The following CCDC171 variants were observed in gnomAD, a reference collection of about 807,000 sequenced individuals.
The protein encoded by CCDC171 is coiled-coil domain-containing protein 171.
Under a neutral mutation model 168.2 loss-of-function variants are expected in CCDC171, and 177 were observed. The observed-to-expected ratio is 1.05, with a 90% CI of 0.93 to 1.19. The LOEUF (loss-of-function observed/expected upper bound fraction) is 1.19, where lower values mean the gene tolerates loss of function less well. Ranked by LOEUF, CCDC171 falls within the 50% of genes most tolerant of loss-of-function variation. The pLI, the probability that CCDC171 is intolerant of heterozygous loss-of-function variation, is 0.00. For missense variants in CCDC171, 1,991 were observed against 1,539.0 expected (o/e 1.29, Z -4.91); for synonymous variants, 687 against 540.8 (o/e 1.27, Z -3.75).
At chr9:15,705,759 G>A (rs2052172518) in intron 11 of CCDC171, among the ~76,000 whole-genome samples, 1 of 152,172 alleles carries the variant, frequency 6.6e-6, no homozygotes, top group South Asian at 2.1e-4. Context: ...TCAGTTCCAT[G>A]AGGATGAGAA....
chr9:15,895,380 G>C (rs761537919), intron 24 of CCDC171, among the ~76,000 whole-genome samples: 7 of 152,048 alleles, frequency 4.6e-5, no homozygotes, highest in Non-Finnish European at 8.8e-5. Flanking sequence ...TCCAAGGAGT[G>C]TACTCTTAGA....
the CCDC171 span, among the ~76,000 whole-genome samples, chr9:16,074,066 G>A: frequency 3.2e-3 from 489 of 152,194 alleles, no homozygotes; most frequent in African/African-American, 0.011. Context: ...TAGTATCACT[G>A]GGCTGGAGGA....
intron 1 of CCDC171, among the ~76,000 whole-genome samples, chr9:16,043,434 A>G (rs1028265919): frequency 1.3e-5 from 2 of 152,232 alleles, no homozygotes; most frequent in African/African-American, 4.8e-5. Flanking sequence ...AAGAAAACAG[A>G]ATCTTGGGGA....
intron 7 of CCDC171, among the ~76,000 whole-genome samples, chr9:15,639,075 A>C (rs920048935): frequency 6.6e-6 from 1 of 152,050 alleles, no homozygotes; most frequent in African/African-American, 2.4e-5. Flanking sequence ...AAAAGGGTAA[A>C]AGGTAGCATC....
chr9:15,628,382 C>G (rs2045355272), intron 7 of CCDC171, among the ~76,000 whole-genome samples: 3 of 152,204 alleles, frequency 2.0e-5, no homozygotes, highest in Admixed American at 6.5e-5. Flanking sequence ...TTATAACCCG[C>G]ATCTGGCTCA....
At chr9:15,783,435 A>G (rs1588468630) in intron 20 of CCDC171, among the ~76,000 whole-genome samples, 1 of 152,232 alleles carries the variant, frequency 6.6e-6, no homozygotes, top group East Asian at 1.9e-4. Context: ...AACCTGCTTT[A>G]TATTTGTGGC....
intron 23 of CCDC171, 80 bp from the exon 24 acceptor site, chr9:15,874,452 G>C (rs1438676635): frequency 7.9e-7 from 1 of 1,267,250 alleles, no homozygotes; most frequent in Non-Finnish European, 1.1e-6. Flanking sequence ...AGTCCACTCA[G>C]TGGGCTCAAG....
chr9:15,616,733 T>A (rs2044111422), intron 6 of CCDC171, among the ~76,000 whole-genome samples: 1 of 152,200 alleles, frequency 6.6e-6, no homozygotes, highest in Non-Finnish European at 1.5e-5. Context: ...AGAATAATAG[T>A]CTTTTATACT....
At chr9:16,085,934 T>A in the CCDC171 span, among the ~76,000 whole-genome samples, 8 of 152,328 alleles carry the variant, frequency 5.3e-5, no homozygotes, top group Admixed American at 1.3e-4. Flanking sequence ...TTTTTTATTG[T>A]TACGTCTCTG....
At chr9:15,679,498 T>G (rs1046527604) in intron 10 of CCDC171, among the ~76,000 whole-genome samples, 7 of 152,218 alleles carry the variant, frequency 4.6e-5, no homozygotes, top group African/African-American at 1.7e-4. Flanking sequence ...GCCTTTGCCC[T>G]CTGTCTGTCT....
chr9:15,677,927 A>ATAT (rs1491415268), intron 9 of CCDC171, among the ~76,000 whole-genome samples: 2,165 of 29,228 alleles, frequency 0.074, 460 homozygotes, highest in Non-Finnish European at 0.08. Flanking sequence ...TATATATATA[A>ATAT]GAGATGTGGT....
intron 24 of CCDC171, among the ~76,000 whole-genome samples, chr9:15,915,299 C>G (rs779630900): frequency 6.6e-6 from 1 of 151,638 alleles, no homozygotes; most frequent in African/African-American, 2.4e-5. Context: ...TCTACAATTT[C>G]TTTCATCAGT....
chr9:15,621,721 C>T (rs904837034), intron 6 of CCDC171, among the ~76,000 whole-genome samples: 4 of 152,090 alleles, frequency 2.6e-5, no homozygotes, highest in Non-Finnish European at 5.9e-5. Context: ...AACAATGTGG[C>T]GATTCCTCAA....
In CCDC171 at chr9:15,920,344, A is replaced by G; in HGVS notation, c.3675A>G (p.Thr1225=). 6.2e-7 allele frequency: 1 copy of G among 1,609,062 alleles called. No individual in the cohort carries two copies. Among genetic ancestry groups the G allele is most frequent in the Non-Finnish European group, 8.5e-7 (1 of 1,176,418 alleles). The part of the protein sequence containing the change: ...TRIMTLEKEM[T]SHRSHIAALK... ...TCATGACATTAGAGAAGGAAATGAC[A>G]TCTCATCGAAGTCACATTGCAGCCT... The change falls in exon 25 of 26, where the codon ACA becomes ACG. Residue 1225 remains threonine, a synonymous_variant. Coordinates refer to ENST00000380701, the MANE Select transcript of CCDC171 (RefSeq NM_173550.4).
chr9:15,985,013 T>A (rs1831939726), intron 3 of CCDC171, among the ~76,000 whole-genome samples: 1 of 152,184 alleles, frequency 6.6e-6, no homozygotes, highest in East Asian at 1.9e-4. Flanking sequence ...AGAAAAGGCA[T>A]CAAACATATC....
the CCDC171 span, among the ~76,000 whole-genome samples, chr9:16,095,899 T>TATATATATATATATATACACAC: frequency 1.4e-5 from 2 of 140,202 alleles, no homozygotes; most frequent in African/African-American, 5.4e-5. Flanking sequence ...TATATATATA[T>TATATATATATATATATACACAC]ACTGCCTCCA....
chr9:15,960,734 T>C (rs1216705878), intron 25 of CCDC171, among the ~76,000 whole-genome samples: 1 of 152,188 alleles, frequency 6.6e-6, no homozygotes, highest in East Asian at 1.9e-4. Flanking sequence ...TCTGCAGATA[T>C]GACCCCCAGA....
chr9:15,625,155 A>T (rs2044951624), intron 7 of CCDC171, among the ~76,000 whole-genome samples: 1 of 151,898 alleles, frequency 6.6e-6, no homozygotes, highest in Non-Finnish European at 1.5e-5. Context: ...CCACTTTTTG[A>T]TGGGGTTGTT....
intron 18 of CCDC171, among the ~76,000 whole-genome samples, chr9:15,753,014 T>C (rs1231371227): frequency 6.6e-6 from 1 of 152,216 alleles, no homozygotes; most frequent in Non-Finnish European, 1.5e-5. Flanking sequence ...TATTTTTTCT[T>C]GTCACTGTGT....
Sources: gnomAD v4.1 joint callset for allele counts (sites outside exome capture counted in the v4.1 genomes callset) on GRCh38, gnomAD v4.1.1 for gene constraint, MANE v1.5 for transcripts, NCBI Gene and HGNC (gene_info 2026-07-23, HGNC 2026-07-21) for gene names.